Variants in CCSER1 observed in about 807,000 individuals in gnomAD.
CCSER1 encodes serine-rich coiled-coil domain-containing protein 1.
A neutral mutation model predicts 82.0 loss-of-function variants in CCSER1; 41 were observed. The ratio of observed to expected loss-of-function variants is 0.50; its 90% CI spans 0.39 to 0.65. The LOEUF (loss-of-function observed/expected upper bound fraction) is 0.65, where lower values mean the gene tolerates loss of function less well. CCSER1 is among the 30% of genes least tolerant of loss of function. The probability of loss-of-function intolerance (pLI) is 0.00; values close to 1 mark genes in which losing one functional copy is unlikely to be tolerated. For missense variants in CCSER1, 1,119 were observed against 1,064.2 expected (o/e 1.05, Z -0.72); for synonymous variants, 414 against 383.9 (o/e 1.08, Z -0.92).
intron 5 of CCSER1, among the ~76,000 whole-genome samples, chr4:90,582,984 T>G (rs933996028): frequency 3.9e-5 from 6 of 152,194 alleles, no homozygotes; most frequent in Non-Finnish European, 7.4e-5. Context: ...AATACCATTT[T>G]TCAGTTCTTA....
intron 9 of CCSER1, among the ~76,000 whole-genome samples, chr4:91,062,860 C>A (rs1314335846): frequency 6.6e-6 from 1 of 151,982 alleles, no homozygotes; most frequent in South Asian, 2.1e-4. Flanking sequence ...ATATTACATA[C>A]CCCTTAATAT....
chr4:90,930,493 C>A (rs1400900956), intron 9 of CCSER1, among the ~76,000 whole-genome samples: 1 of 151,918 alleles, frequency 6.6e-6, no homozygotes, highest in Non-Finnish European at 1.5e-5. Context: ...GTAGTCCCAG[C>A]TACTTGCTAC....
chr4:90,153,076 C>A (rs1727218231), intron 1 of CCSER1, among the ~76,000 whole-genome samples: 1 of 142,150 alleles, frequency 7.0e-6, no homozygotes. Context: ...TGATGTTCCC[C>A]TTCCTGCGTC....
chr4:90,545,613 G>A (rs1776658792), intron 5 of CCSER1, among the ~76,000 whole-genome samples: 1 of 151,906 alleles, frequency 6.6e-6, no homozygotes, highest in African/African-American at 2.4e-5. Context: ...TTTTAGCCAT[G>A]ACTATTCCTC....
chr4:91,273,713 C>G (rs1742214639), intron 10 of CCSER1, among the ~76,000 whole-genome samples: 1 of 152,120 alleles, frequency 6.6e-6, no homozygotes, highest in Admixed American at 6.5e-5. Flanking sequence ...AAACTTTTCT[C>G]TATTCAGTAT....
intron 10 of CCSER1, among the ~76,000 whole-genome samples, chr4:91,133,323 A>G (rs575970160): frequency 6.6e-6 from 1 of 152,070 alleles, no homozygotes; most frequent in African/African-American, 2.4e-5. Flanking sequence ...AGAAGAATTC[A>G]GGTGTCAGAA....
At chr4:90,931,180 T>TAC (rs772191808) in intron 9 of CCSER1, among the ~76,000 whole-genome samples, 48 of 150,036 alleles carry the variant, frequency 3.2e-4, no homozygotes, top group East Asian at 1.9e-4. Flanking sequence ...TGCACATATA[T>TAC]ACACACACAC....
At chr4:90,819,468 T>A (rs1271161294) in intron 8 of CCSER1, among the ~76,000 whole-genome samples, 1 of 152,194 alleles carries the variant, frequency 6.6e-6, no homozygotes, top group Non-Finnish European at 1.5e-5. Context: ...TAAATGCACG[T>A]TTCAAAAATT....
chr4:91,183,086 G>A (rs1184955821), intron 10 of CCSER1, among the ~76,000 whole-genome samples: 1 of 152,224 alleles, frequency 6.6e-6, no homozygotes, highest in East Asian at 1.9e-4. Context: ...AGATGTATGA[G>A]CCCTAATGTG....
intron 5 of CCSER1, among the ~76,000 whole-genome samples, chr4:90,472,899 C>T (rs1215432962): frequency 3.3e-5 from 5 of 152,100 alleles, no homozygotes; most frequent in Non-Finnish European, 1.5e-5. Flanking sequence ...GTCTTTTCAG[C>T]AACGTGGATG....
chr4:90,180,012 A>G (rs144953701), intron 1 of CCSER1, among the ~76,000 whole-genome samples: 4,420 of 152,066 alleles, frequency 0.029, 106 homozygotes, highest in South Asian at 0.06. Context: ...ACAAAGATTA[A>G]AAAATAGACT....
At chr4:91,439,741 T>A (rs1754973742) in intron 10 of CCSER1, among the ~76,000 whole-genome samples, 1 of 151,674 alleles carries the variant, frequency 6.6e-6, no homozygotes. Flanking sequence ...GAGACACACA[T>A]AGGCTCAAAA....
intron 8 of CCSER1, among the ~76,000 whole-genome samples, chr4:90,837,477 T>C (rs1429429979): frequency 6.6e-6 from 1 of 152,198 alleles, no homozygotes; most frequent in East Asian, 1.9e-4. Flanking sequence ...TCCCAACCTA[T>C]TTCTTTATCT....
chr4:90,484,889 A>G (rs960752691), intron 5 of CCSER1, among the ~76,000 whole-genome samples: 1 of 151,874 alleles, frequency 6.6e-6, no homozygotes, highest in African/African-American at 2.4e-5. Context: ...GAGAACCACT[A>G]CTCTCTTGAA....
chr4:90,382,617 T>G (rs1749377624), intron 3 of CCSER1, among the ~76,000 whole-genome samples: 1 of 152,114 alleles, frequency 6.6e-6, no homozygotes, highest in Admixed American at 6.5e-5. Flanking sequence ...TGGGAAATTC[T>G]AATTTACAAG....
chr4:90,576,055 C>T (rs1780727036), intron 5 of CCSER1, among the ~76,000 whole-genome samples: 1 of 151,526 alleles, frequency 6.6e-6, no homozygotes, highest in Non-Finnish European at 1.5e-5. Flanking sequence ...TCTCTGTTTT[C>T]CCTTTTCTTT....
At chr4:90,449,237 G>T (rs1761107184) in intron 4 of CCSER1, among the ~76,000 whole-genome samples, 2 of 152,204 alleles carry the variant, frequency 1.3e-5, no homozygotes, top group African/African-American at 4.8e-5. Flanking sequence ...TCCTCTGCAG[G>T]CAGGCTGTCC....
intron 1 of CCSER1, among the ~76,000 whole-genome samples, chr4:90,229,812 G>T (rs1343418689): frequency 6.6e-6 from 1 of 152,072 alleles, no homozygotes; most frequent in African/African-American, 2.4e-5. Context: ...AAAGGCAGGG[G>T]TTGCAATCCT....
intron 10 of CCSER1, among the ~76,000 whole-genome samples, chr4:91,342,963 T>C (rs1394612911): frequency 6.6e-6 from 1 of 152,098 alleles, no homozygotes; most frequent in Non-Finnish European, 1.5e-5. Context: ...AAGTTTATTA[T>C]ATTTTTATAT....
Sources: allele counts gnomAD v4.1 joint callset (sites outside exome capture counted in the v4.1 genomes callset), GRCh38; gene constraint gnomAD v4.1.1; transcripts MANE v1.5; gene names NCBI Gene and HGNC (gene_info 2026-07-23, HGNC 2026-07-21).